Variants in PRR16 observed in about 807,000 individuals in gnomAD.
The protein encoded by PRR16 is protein Largen.
A neutral mutation model predicts 18.2 loss-of-function variants in PRR16; 6 were observed. The ratio of observed to expected loss-of-function variants is 0.33; its 90% confidence interval spans 0.18 to 0.65. PRR16 has a LOEUF of 0.65. PRR16 is among the 30% of genes least tolerant of loss of function. The probability of loss-of-function intolerance (pLI) is 0.74; values close to 1 mark genes in which losing one functional copy is unlikely to be tolerated. For missense variants in PRR16, 412 were observed against 376.6 expected (o/e 1.09, Z -0.78); for synonymous variants, 151 against 147.8 (o/e 1.02, Z -0.16).
chr5:120,765,305 A>G, the PRR16 span, among the ~76,000 whole-genome samples: 86,329 of 151,764 alleles, frequency 0.57, 25,170 homozygotes, highest in East Asian at 0.79. Flanking sequence ...AGTTGAATGT[A>G]TCTTAGTCTG....
At chr5:120,726,037 C>T in the PRR16 span, among the ~76,000 whole-genome samples, 1 of 151,870 alleles carries the variant, frequency 6.6e-6, no homozygotes, top group African/African-American at 2.4e-5. Flanking sequence ...TAAACACTTG[C>T]CTTGTACTTG....
At chr5:120,742,545 T>C in the PRR16 span, among the ~76,000 whole-genome samples, 127 of 152,114 alleles carry the variant, frequency 8.3e-4, no homozygotes, top group Middle Eastern at 3.4e-3. Context: ...AAATTCTTAA[T>C]TTTAATTTCA....
chr5:120,717,175 A>G, the PRR16 span, among the ~76,000 whole-genome samples: 35,278 of 152,168 alleles, frequency 0.23, 4,868 homozygotes, highest in East Asian at 0.6. Flanking sequence ...ATACATTTTC[A>G]GTTATAGATT....
At position 120,686,819 on chromosome 5, in the gene PRR16, AT is replaced by A. The variant is rs1757144352; in HGVS notation, c.*112del. 1.1e-6 allele frequency: 1 copy of A among 921,576 alleles called. No homozygotes were observed. Among genetic ancestry groups the A allele is most frequent in the Non-Finnish European group, 1.5e-6 (1 of 675,010 alleles). The allele number at this position is 921,576 out of a possible 1,614,324, so 57.1% of individuals were successfully genotyped here. A position where few individuals can be genotyped will look rare whatever the true frequency, so the allele number is the denominator to read the frequency against. On this transcript the variant is annotated 3_prime_UTR_variant, in exon 2 of 2. Coordinates refer to ENST00000407149, the MANE Select transcript of PRR16 (RefSeq NM_001300783.2). The stretch of plus-strand genomic sequence containing the variant: ...AAAAGCCCAAATATATTAATCCTGC[AT>A]TCAGCAAAGTGGCATAAAAATCACC...
Position 120,573,781 on chromosome 5 carries a change from C to G in PRR16, c.159+109136C>G, listed in dbSNP as rs530197005. 7.9e-5 allele frequency among the ~76,000 whole-genome samples: 12 copies of G among 152,198 alleles called. No homozygotes were observed. In the South Asian group the frequency reaches 2.3e-3, roughly 29 times the overall value. ...AGAATGTTTCCTTCAATAAATAACGCCATGTCAATTGAATATATAGAATTG... is the reference window on the plus strand; with the variant it reads ...AGAATGTTTCCTTCAATAAATAACGGCATGTCAATTGAATATATAGAATTG... On this transcript the variant is annotated intron_variant, in intron 1 of 1. Coordinates refer to ENST00000407149, the MANE Select transcript of PRR16 (RefSeq NM_001300783.2).
intron 1 of PRR16, among the ~76,000 whole-genome samples, chr5:120,546,005 G>A (rs917748435): frequency 1.3e-5 from 2 of 152,066 alleles, no homozygotes; most frequent in African/African-American, 4.8e-5. Context: ...ACCAGCATTT[G>A]TTGAGTTCTC....
intron 1 of PRR16, among the ~76,000 whole-genome samples, chr5:120,636,044 A>C (rs1033653085): frequency 1.3e-5 from 2 of 152,096 alleles, no homozygotes; most frequent in African/African-American, 2.4e-5. Context: ...ATAAATAAAT[A>C]AAATACTTAG....
chr5:120,525,986 G>T (rs1000462507), intron 1 of PRR16, among the ~76,000 whole-genome samples: 2 of 152,162 alleles, frequency 1.3e-5, no homozygotes, highest in Non-Finnish European at 2.9e-5. Context: ...CAGATCTGAA[G>T]AAAAAATTTG....
At chr5:120,630,496 A>T (rs1165877850) in intron 1 of PRR16, among the ~76,000 whole-genome samples, 2 of 152,110 alleles carry the variant, frequency 1.3e-5, no homozygotes, top group African/African-American at 2.4e-5. Flanking sequence ...ACTGCTGGAG[A>T]TGATTGCCAA....
intron 1 of PRR16, among the ~76,000 whole-genome samples, chr5:120,564,628 G>T (rs981436735): frequency 2.6e-5 from 4 of 152,140 alleles, no homozygotes; most frequent in African/African-American, 9.7e-5. Context: ...CCACTATTGG[G>T]GGGTGGAAAG....
At chr5:120,604,225 C>G (rs979464741) in intron 1 of PRR16, among the ~76,000 whole-genome samples, 1 of 151,908 alleles carries the variant, frequency 6.6e-6, no homozygotes, top group Non-Finnish European at 1.5e-5. Context: ...TTTCATGAGT[C>G]TAGGTACTCC....
chr5:120,618,754 C>T (rs984185157), intron 1 of PRR16, among the ~76,000 whole-genome samples: 1 of 146,852 alleles, frequency 6.8e-6, no homozygotes, highest in Non-Finnish European at 1.5e-5. Context: ...GTTTCCTTTC[C>T]TTTTTTTTTT....
At chr5:120,718,025 G>A in the PRR16 span, among the ~76,000 whole-genome samples, 1 of 152,048 alleles carries the variant, frequency 6.6e-6, no homozygotes, top group Non-Finnish European at 1.5e-5. Flanking sequence ...TAAAAGCCTT[G>A]TGGATTCAAC....
chr5:120,665,459 T>G (rs972565967), intron 1 of PRR16, among the ~76,000 whole-genome samples: 5 of 152,150 alleles, frequency 3.3e-5, no homozygotes, highest in Non-Finnish European at 7.4e-5. Context: ...CTCTTTAGTT[T>G]AATTAGATCC....
At chr5:120,488,512 TA>T (rs1221611803) in intron 1 of PRR16, among the ~76,000 whole-genome samples, 7 of 152,212 alleles carry the variant, frequency 4.6e-5, no homozygotes, top group African/African-American at 1.4e-4. Context: ...TATCATTTTT[TA>T]TTGTGTCTAT....
chr5:120,490,287 C>T (rs112723361), intron 1 of PRR16, among the ~76,000 whole-genome samples: 2,381 of 152,252 alleles, frequency 0.016, 22 homozygotes, highest in African/African-American at 0.024. Flanking sequence ...TTTCATGTAC[C>T]GCAATCGGAT....
chr5:120,790,146 C>T, the PRR16 span: 2 of 152,098 alleles, frequency 1.3e-5, no homozygotes, highest in Admixed American at 6.6e-5. Flanking sequence ...AATCATCTTC[C>T]TCTATCTGAC....
intron 1 of PRR16, among the ~76,000 whole-genome samples, chr5:120,661,966 T>A (rs936342458): frequency 1.3e-5 from 2 of 152,092 alleles, no homozygotes; most frequent in African/African-American, 4.8e-5. Flanking sequence ...CTTGGAAATG[T>A]GGGCTGGGGT....
intron 1 of PRR16, among the ~76,000 whole-genome samples, chr5:120,661,629 C>A (rs1235760622): frequency 1.3e-5 from 2 of 151,702 alleles, no homozygotes; most frequent in East Asian, 3.9e-4. Flanking sequence ...AGTTTCCTTT[C>A]TAATTTATTT....
Sources: gnomAD v4.1 joint callset for allele counts (sites outside exome capture counted in the v4.1 genomes callset) on GRCh38, gnomAD v4.1.1 for gene constraint, MANE v1.5 for transcripts, NCBI Gene and HGNC (gene_info 2026-07-23, HGNC 2026-07-21) for gene names.